CENPP: variants seen among roughly 807,000 people sequenced by gnomAD.
The protein encoded by CENPP is centromere protein P.
In CENPP, 24 loss-of-function variants were observed where a neutral mutation model predicts 35.6. That is an observed-to-expected ratio of 0.67 (90% CI 0.49 to 0.95). The LOEUF is 0.95. Among genes scored for constraint, CENPP ranks in the 40% least tolerant of loss-of-function variants. The probability of loss-of-function intolerance (pLI) is 0.00; values close to 1 mark genes in which losing one functional copy is unlikely to be tolerated. For missense variants in CENPP, 332 were observed against 345.3 expected (o/e 0.96, Z 0.31); for synonymous variants, 120 against 125.5 (o/e 0.96, Z 0.29).
intron 4 of CENPP, among the ~76,000 whole-genome samples, chr9:92,359,984 A>G (rs1448274806): frequency 1.3e-5 from 2 of 152,180 alleles, no homozygotes; most frequent in Non-Finnish European, 2.9e-5. Flanking sequence ...GGATGTTGCC[A>G]GCCTTCATTA....
intron 5 of CENPP, among the ~76,000 whole-genome samples, chr9:92,442,230 T>C (rs1193020355): frequency 6.6e-6 from 1 of 151,808 alleles, no homozygotes; most frequent in Non-Finnish European, 1.5e-5. Flanking sequence ...AAACCCCGTC[T>C]CTACTAAAAA....
chr9:92,547,110 C>T (rs1435663794), intron 5 of CENPP, among the ~76,000 whole-genome samples: 2 of 152,036 alleles, frequency 1.3e-5, no homozygotes, highest in Non-Finnish European at 1.5e-5. Flanking sequence ...GAACTAGCGG[C>T]GTAAGTGTAA....
At chr9:92,495,053 C>G (rs1258946184) in intron 5 of CENPP, among the ~76,000 whole-genome samples, 1 of 152,190 alleles carries the variant, frequency 6.6e-6, no homozygotes, top group Non-Finnish European at 1.5e-5. Context: ...TCATCCACAC[C>G]ATACTTTCCA....
At chr9:92,366,964 T>C (rs867660307) in intron 4 of CENPP, among the ~76,000 whole-genome samples, 1 of 152,100 alleles carries the variant, frequency 6.6e-6, no homozygotes, top group African/African-American at 2.4e-5. Flanking sequence ...GCGTTTGCAG[T>C]CAAAACGCAG....
intron 5 of CENPP, 132 bp from the exon 6 acceptor site, chr9:92,611,182 G>A: frequency 1.4e-6 from 1 of 714,118 alleles, no homozygotes; most frequent in Non-Finnish European, 2.5e-6. Context: ...GGGGCGGTTG[G>A]CACCCATGGA....
intron 5 of CENPP, among the ~76,000 whole-genome samples, chr9:92,473,391 C>G (rs1845598315): frequency 6.6e-6 from 1 of 152,182 alleles, no homozygotes; most frequent in South Asian, 2.1e-4. Flanking sequence ...ATATTTTTAT[C>G]TGGAATTTTG....
rs1053520760 is a variant in CENPP at position 92,619,446 on chromosome 9, C to T, written c.*6297C>T. 7.3e-6 allele frequency: 11 copies of T among 1,504,856 alleles called. No homozygotes were observed. The highest frequency in any genetic ancestry group is 4.8e-5 in the East Asian group (2 of 41,922). 93.2% of individuals were successfully genotyped at this position (1,504,856 alleles called of 1,614,324 possible). On this transcript the variant is annotated 3_prime_UTR_variant, in exon 8 of 8. Transcript: ENST00000375587. ...AATTCACCAACTGTCCATAAAACCC[C>T]GTTAGACCCAGGCTGCATGCCTTGC...
At chr9:92,328,915 C>T (rs1436284184) in intron 1 of CENPP, among the ~76,000 whole-genome samples, 1 of 152,218 alleles carries the variant, frequency 6.6e-6, no homozygotes, top group Non-Finnish European at 1.5e-5. Context: ...GCATTAAACA[C>T]ATGCACATTG....
chr9:92,336,270 T>A (rs1840925516), intron 2 of CENPP, among the ~76,000 whole-genome samples: 2 of 152,182 alleles, frequency 1.3e-5, no homozygotes, highest in African/African-American at 4.8e-5. Flanking sequence ...AGGAAGCAAA[T>A]TATGTCAATT....
At chr9:92,328,998 AAC>A (rs1840653086) in intron 1 of CENPP, among the ~76,000 whole-genome samples, 1 of 152,110 alleles carries the variant, frequency 6.6e-6, no homozygotes, top group Admixed American at 6.5e-5. Context: ...ATACCTATTA[AAC>A]ACGAACTCCC....
chr9:92,374,984 C>G (rs1842091994), intron 4 of CENPP, among the ~76,000 whole-genome samples: 1 of 152,184 alleles, frequency 6.6e-6, no homozygotes, highest in South Asian at 2.1e-4. Context: ...GATTCTCTCT[C>G]TTTGGAGCTC....
intron 5 of CENPP, chr9:92,404,654 T>G: frequency 7.9e-7 from 1 of 1,264,628 alleles, no homozygotes; most frequent in Non-Finnish European, 1.0e-6. Context: ...AGTTTCCATG[T>G]GGTAGAGATC....
chr9:92,325,689 C>T (rs531606066), upstream of CENPP: 58 of 339,466 alleles, frequency 1.7e-4, no homozygotes, highest in African/African-American at 1.1e-3. Context: ...GGCTCCAAGG[C>T]TGCCGGCTAG....
rs185975793 is a variant in CENPP at position 92,359,978 on chromosome 9, G to A, written c.467+14191G>A. Among the ~76,000 whole-genome samples, 7 of 152,232 alleles carry A rather than the reference G, an allele frequency of 4.6e-5. No individual in the cohort carries two copies. In the East Asian group the frequency reaches 1.2e-3, roughly 25 times the overall value. ...CCCTTCTCCAAGCCTTTGCCTGGAT[G>A]TTGCCAGCCTTCATTAGACTCAGAG... On this transcript the variant is annotated intron_variant, in intron 4 of 7. Coordinates refer to ENST00000375587, the MANE Select transcript of CENPP (RefSeq NM_001012267.3).
chr9:92,595,072 A>G (rs1375129975), intron 5 of CENPP, among the ~76,000 whole-genome samples: 2 of 151,206 alleles, frequency 1.3e-5, no homozygotes, highest in South Asian at 4.2e-4. Flanking sequence ...AATTTTTTGT[A>G]TTTTTAGTAG....
rs140712174 is a variant in CENPP at position 92,455,522 on chromosome 9, C to T, written c.564+75663C>T. On this transcript the variant is annotated intron_variant, in intron 5 of 7. Transcript: ENST00000375587. ...CCCCTGCCGCAAAGAATGACCTGGC[C>T]CAAAATGTCAAGGGAGCCAAAGTTG... 5.3e-5 allele frequency among the ~76,000 whole-genome samples: 8 copies of T among 151,956 alleles called. No homozygotes were observed. The East Asian group carries it at 1.6e-3, about 29-fold the overall frequency.
Position 92,415,844 on chromosome 9 carries a change from A to T in CENPP, c.564+35985A>T, listed in dbSNP as rs1004295744. Reference sequence around the variant, plus strand: ...AACTGACAATTTATACATATATATAAAAAAATATATATATATAAAATTATA... The same window carrying T: ...AACTGACAATTTATACATATATATATAAAAATATATATATATAAAATTATA... On this transcript the variant is annotated intron_variant, in intron 5 of 7. Transcript: ENST00000375587. 3.6e-5 allele frequency among the ~76,000 whole-genome samples: 5 copies of T among 137,252 alleles called. No individual in the cohort carries two copies. In the South Asian group the frequency reaches 7.5e-4, roughly 21 times the overall value. 90.0% of individuals were successfully genotyped at this position (137,252 alleles called of 152,430 possible).
chr9:92,592,270 G>C (rs1850683535), intron 5 of CENPP, among the ~76,000 whole-genome samples: 2 of 152,082 alleles, frequency 1.3e-5, no homozygotes, highest in South Asian at 4.1e-4. Flanking sequence ...AGCAGCCCCA[G>C]AGCATGAAGC....
intron 2 of CENPP, 41 bp from the exon 3 acceptor site, chr9:92,337,500 T>C: frequency 2.7e-6 from 3 of 1,103,774 alleles, no homozygotes; most frequent in Non-Finnish European, 4.2e-6. Context: ...TTGAAGAAAA[T>C]GGCTATTTGC....
Sources: allele counts gnomAD v4.1 joint callset (sites outside exome capture counted in the v4.1 genomes callset), GRCh38; gene constraint gnomAD v4.1.1; transcripts MANE v1.5; gene names NCBI Gene and HGNC (gene_info 2026-07-23, HGNC 2026-07-21).